DIAPH2: variants seen among roughly 807,000 people sequenced by gnomAD.
DIAPH2 encodes protein diaphanous homolog 2.
In DIAPH2, 35 loss-of-function variants were observed where a neutral mutation model predicts 92.7. The ratio of observed to expected loss-of-function variants is 0.38; its 90% CI spans 0.29 to 0.50. DIAPH2 has a LOEUF of 0.50. DIAPH2 is among the 20% of genes least tolerant of loss of function. The pLI is 0.94. For synonymous variants in DIAPH2, 301 were observed against 280.4 expected (o/e 1.07, Z -0.73); for missense variants, 701 against 819.5 (o/e 0.86, Z 1.77).
rs2071593511 is a variant in DIAPH2, at chrX:97,601,236, C to G, written c.*1919C>G. The stretch of plus-strand genomic sequence containing the variant: ...GCTTATCAGTCTGTAGGAGAATGAT[C>G]TTGAAATGTTAACCCTGACTAAAAT... On this transcript the variant is annotated 3_prime_UTR_variant, in exon 27 of 27. Transcript: ENST00000324765. 9.0e-6 allele frequency: 1 copy of G among 111,624 alleles called. No homozygotes were observed. Among genetic ancestry groups the G allele is most frequent in the South Asian group, 3.8e-4 (1 of 2,649 alleles). 9.2% of individuals were successfully genotyped at this position (111,624 alleles called of 1,213,427 possible). A position where few individuals can be genotyped will look rare whatever the true frequency, so the allele number is the denominator to read the frequency against.
intron 17 of DIAPH2, among the ~76,000 whole-genome samples, chrX:97,044,072 G>C (rs1602742275): frequency 8.9e-6 from 1 of 112,132 alleles, no homozygotes; most frequent in East Asian, 2.8e-4. Flanking sequence ...CTACAAGAGT[G>C]TCATTTTACT....
chrX:97,145,069 A>G (rs948597514), intron 22 of DIAPH2, among the ~76,000 whole-genome samples: 4 of 112,049 alleles, frequency 3.6e-5, no homozygotes, highest in Non-Finnish European at 7.5e-5. Flanking sequence ...CAGGCCTGAC[A>G]CTATAACTTT....
At chrX:97,096,049 G>C (rs1937808612) in intron 19 of DIAPH2, among the ~76,000 whole-genome samples, 1 of 111,851 alleles carries the variant, frequency 8.9e-6, no homozygotes, top group South Asian at 3.8e-4. Context: ...GGTGGGGTTG[G>C]GGGACGGCGG....
chrX:97,291,232 A>G (rs969492139), intron 23 of DIAPH2, among the ~76,000 whole-genome samples: 10 of 111,067 alleles, frequency 9.0e-5, no homozygotes, highest in Non-Finnish European at 1.5e-4. Flanking sequence ...ACTAAAAAAT[A>G]CAAAAAAATT....
At chrX:97,317,876 C>T (rs951903381) in intron 23 of DIAPH2, among the ~76,000 whole-genome samples, 27 of 111,492 alleles carry the variant, frequency 2.4e-4, no homozygotes, top group Non-Finnish European at 4.0e-4. Context: ...TTATGGGGTA[C>T]AATCTGATGT....
chrX:97,230,608 G>A (rs1246666259), intron 22 of DIAPH2, among the ~76,000 whole-genome samples: 1 of 112,342 alleles, frequency 8.9e-6, no homozygotes, highest in African/African-American at 3.2e-5. Context: ...AGGCTGGAGT[G>A]CAATGGTGCA....
intron 23 of DIAPH2, among the ~76,000 whole-genome samples, chrX:97,296,244 A>T (rs879135328): frequency 9.0e-6 from 1 of 111,332 alleles, no homozygotes; most frequent in East Asian, 2.8e-4. Flanking sequence ...TAGCCTAGAG[A>T]AAAATGGAGT....
intron 4 of DIAPH2, among the ~76,000 whole-genome samples, chrX:96,805,656 A>G (rs1264895242): frequency 9.0e-6 from 1 of 111,196 alleles, no homozygotes; most frequent in African/African-American, 3.3e-5. Context: ...CCATGCTGCC[A>G]CGGGGTGGAG....
intron 4 of DIAPH2, among the ~76,000 whole-genome samples, chrX:96,861,349 C>T (rs1437845047): frequency 8.9e-6 from 1 of 111,931 alleles, no homozygotes; most frequent in Non-Finnish European, 1.9e-5. Context: ...TTGACATTGC[C>T]GTACTTCCAG....
intron 23 of DIAPH2, among the ~76,000 whole-genome samples, chrX:97,307,864 C>T (rs1432416156): frequency 6.8e-5 from 7 of 102,453 alleles, no homozygotes; most frequent in South Asian, 4.6e-4. Flanking sequence ...GACAAGATTG[C>T]GCCATTGCAC....
chrX:96,862,783 G>A (rs927759481), intron 4 of DIAPH2, among the ~76,000 whole-genome samples: 14 of 111,781 alleles, frequency 1.3e-4, no homozygotes, highest in African/African-American at 4.5e-4. Flanking sequence ...TCTTCTTGTT[G>A]TTGGTTGTTC....
intron 19 of DIAPH2, among the ~76,000 whole-genome samples, chrX:97,091,401 G>A (rs1386765348): frequency 2.7e-5 from 3 of 110,287 alleles, no homozygotes; most frequent in Admixed American, 9.7e-5. Flanking sequence ...TTGGCTTCCC[G>A]AGCAGCTGGG....
chrX:97,038,115 T>C (rs1479683024), intron 17 of DIAPH2, among the ~76,000 whole-genome samples: 1 of 111,540 alleles, frequency 9.0e-6, no homozygotes, highest in East Asian at 2.8e-4. Flanking sequence ...CAGTATTTGG[T>C]TTTCCTTTCC....
intron 22 of DIAPH2, among the ~76,000 whole-genome samples, chrX:97,218,278 C>T (rs942669449): frequency 1.4e-4 from 15 of 110,434 alleles, no homozygotes; most frequent in African/African-American, 4.9e-4. Flanking sequence ...TTAGTAGAGA[C>T]AGGGTTTCAC....
intron 4 of DIAPH2, among the ~76,000 whole-genome samples, chrX:96,774,001 C>T (rs2064358605): frequency 8.9e-6 from 1 of 112,072 alleles, no homozygotes; most frequent in South Asian, 3.7e-4. Flanking sequence ...ATGTAACAGT[C>T]ATTTTGTTGT....
chrX:97,135,607 C>A, intron 21 of DIAPH2, among the ~76,000 whole-genome samples: 1 of 111,214 alleles, frequency 9.0e-6, no homozygotes, highest in Admixed American at 9.6e-5. Flanking sequence ...TCTTCATCAC[C>A]CATGACAGTT....
At chrX:97,085,269 T>C (rs1056468345) in intron 19 of DIAPH2, among the ~76,000 whole-genome samples, 5 of 112,012 alleles carry the variant, frequency 4.5e-5, no homozygotes, top group African/African-American at 1.6e-4. Context: ...AGTTTGAGTA[T>C]TGCTAGAAAA....
intron 17 of DIAPH2, among the ~76,000 whole-genome samples, chrX:96,973,835 A>G (rs1012396265): frequency 7.3e-5 from 8 of 109,570 alleles, no homozygotes; most frequent in African/African-American, 2.7e-4. Flanking sequence ...AGCTGGGATT[A>G]CAGGCATGTG....
At chrX:96,829,875 CAG>C (rs1205507982) in intron 4 of DIAPH2, among the ~76,000 whole-genome samples, 1 of 105,928 alleles carries the variant, frequency 9.4e-6, no homozygotes, top group Non-Finnish European at 1.9e-5. Context: ...ATAATTTCAA[CAG>C]AATTTTTCTT....
Sources: gnomAD v4.1 joint callset for allele counts (sites outside exome capture counted in the v4.1 genomes callset) on GRCh38, gnomAD v4.1.1 for gene constraint, MANE v1.5 for transcripts, NCBI Gene and HGNC (gene_info 2026-07-23, HGNC 2026-07-21) for gene names.